Variants in JAKMIP3 observed in about 807,000 individuals in gnomAD.
The protein encoded by JAKMIP3 is janus kinase and microtubule-interacting protein 3.
JAKMIP3 carries 58 observed loss-of-function variants against 118.5 expected under a neutral mutation model. The observed-to-expected ratio is 0.49, with a 90% CI of 0.40 to 0.61. The LOEUF (loss-of-function observed/expected upper bound fraction) is 0.61. Ranked by LOEUF, JAKMIP3 falls within the 20% of genes least tolerant of loss-of-function variation. JAKMIP3 has a pLI of 0.00. For missense variants in JAKMIP3, 950 were observed against 1,109.0 expected (o/e 0.86, Z 2.04); for synonymous variants, 486 against 451.2 (o/e 1.08, Z -0.98).
At chr10:132,142,940 C>A (rs549876554) in intron 11 of JAKMIP3, among the ~76,000 whole-genome samples, 7 of 152,150 alleles carry the variant, frequency 4.6e-5, no homozygotes, top group South Asian at 4.2e-4. Context: ...CCTCTTGGGG[C>A]GAGGGGAGAG....
At chr10:132,167,885 G>A (rs867731371) in intron 22 of JAKMIP3, 68 bp from the exon 23 acceptor site, 1 of 693,600 alleles carries the variant, frequency 1.4e-6, no homozygotes, top group Non-Finnish European at 1.9e-6. Flanking sequence ...TCGCCCCTCG[G>A]CCCTCGCCCC....
intron 23 of JAKMIP3, among the ~76,000 whole-genome samples, chr10:132,174,483 C>A (rs1370824939): frequency 6.6e-6 from 1 of 152,038 alleles, no homozygotes; most frequent in African/African-American, 2.4e-5. Flanking sequence ...CGAGCGGAAT[C>A]CCCTCGGGTG....
intron 23 of JAKMIP3, among the ~76,000 whole-genome samples, chr10:132,173,403 G>C (rs1196502608): frequency 6.6e-6 from 1 of 151,186 alleles, no homozygotes; most frequent in Non-Finnish European, 1.5e-5. Context: ...TGCGGCCCTG[G>C]CATACACCCA....
At position 132,184,494 on chromosome 10, in the gene JAKMIP3, C is replaced by G. The variant is rs754411812; in HGVS notation, c.*3241C>G. On this transcript the variant is annotated 3_prime_UTR_variant, in exon 24 of 24. Coordinates refer to ENST00000684848, the MANE Select transcript of JAKMIP3 (RefSeq NM_001323087.2). Reference sequence around the variant, plus strand: ...CATATTGTGAATATAGGTATCAAATCATATATTTGTTTACTGTATATTTTT... The same window carrying G: ...CATATTGTGAATATAGGTATCAAATGATATATTTGTTTACTGTATATTTTT... The G allele has an allele frequency of 6.6e-6, 1 of 152,182 alleles. No homozygotes were observed. The highest frequency in any genetic ancestry group is 1.9e-4 in the East Asian group (1 of 5,204). The allele number at this position is 152,182 out of a possible 1,614,324, so 9.4% of individuals were successfully genotyped here. A position where few individuals can be genotyped will look rare whatever the true frequency, so the allele number is the denominator to read the frequency against.
intron 3 of JAKMIP3, among the ~76,000 whole-genome samples, chr10:132,119,435 A>T (rs574137043): frequency 6.6e-6 from 1 of 152,136 alleles, no homozygotes; most frequent in Non-Finnish European, 1.5e-5. Flanking sequence ...TAAAAATGTT[A>T]TAGTTTCGTC....
chr10:132,176,565 T>A (rs2060154931), intron 23 of JAKMIP3, among the ~76,000 whole-genome samples: 2 of 152,142 alleles, frequency 1.3e-5, no homozygotes, highest in Non-Finnish European at 2.9e-5. Flanking sequence ...CAGTGCTTTG[T>A]AGCAGACACG....
At position 132,117,624 on chromosome 10, in the gene JAKMIP3, TGGGCGAGGG is replaced by T. The variant is rs2047903630; in HGVS notation, c.633+51_633+59del. The stretch of plus-strand genomic sequence containing the variant: ...GTGGGCGAGGGTGCAGGGGCGGGCG[TGGGCGAGGG>T]TGCAGGGGCGGGCGTGGGCGAGGGT... On this transcript the variant is annotated intron_variant, in intron 3 of 23. Coordinates refer to ENST00000684848, the MANE Select transcript of JAKMIP3 (RefSeq NM_001323087.2). The surrounding 1 kb of genome is among the most constrained non-coding windows in gnomAD (Gnocchi z 8.6). 2.9e-6 allele frequency: 3 copies of T among 1,039,698 alleles called. No individual in the cohort carries two copies. The highest frequency in any genetic ancestry group is 4.0e-6 in the Non-Finnish European group (3 of 747,014). The allele number at this position is 1,039,698 out of a possible 1,614,324, so 64.4% of individuals were successfully genotyped here.
chr10:132,139,223 TG>T (rs1485460874), intron 9 of JAKMIP3, among the ~76,000 whole-genome samples: 4 of 126,498 alleles, frequency 3.2e-5, no homozygotes, highest in African/African-American at 6.5e-5. Flanking sequence ...TGTGTGTACA[TG>T]TGAGTGTATA....
At chr10:132,103,195 G>A (rs936624452) in intron 1 of JAKMIP3, among the ~76,000 whole-genome samples, 4 of 151,806 alleles carry the variant, frequency 2.6e-5, no homozygotes, top group Admixed American at 1.3e-4. Flanking sequence ...TCCCTCTGTC[G>A]GGGAAAGCTG....
intron 3 of JAKMIP3, among the ~76,000 whole-genome samples, chr10:132,123,152 G>T (rs1411146933): frequency 6.6e-6 from 1 of 152,132 alleles, no homozygotes; most frequent in Non-Finnish European, 1.5e-5. Flanking sequence ...CCACCCACAG[G>T]TGCGATGACC....
At position 132,168,041 on chromosome 10, in the gene JAKMIP3, G is replaced by A. The variant is rs1206283550; in HGVS notation, c.*111G>A. ...CGCGTCTCCATCCTGAAGACCCAGG[G>A]AGATTTGGTCTCTGCACGCCCGTCC... On this transcript the variant is annotated 3_prime_UTR_variant, in exon 23 of 24. Transcript: ENST00000684848. The A allele has an allele frequency of 3.9e-6, 5 of 1,289,524 alleles. No homozygotes were observed. The African/African-American group carries it at 7.6e-5, about 20-fold the overall frequency. The allele number at this position is 1,289,524 out of a possible 1,614,324, so 79.9% of individuals were successfully genotyped here.
Position 132,179,719 on chromosome 10 carries a change from GC to G in JAKMIP3, c.*1104-2637del, listed in dbSNP as rs2060525705. 6.7e-6 allele frequency among the ~76,000 whole-genome samples: 1 copy of G among 150,372 alleles called. No individual in the cohort carries two copies. Among genetic ancestry groups the G allele is most frequent in the Non-Finnish European group, 1.5e-5 (1 of 67,912 alleles). On this transcript the variant is annotated intron_variant, in intron 23 of 23. Transcript: ENST00000684848. This position sits in a 1 kb window ranked among gnomAD's most constrained non-coding sequence, Gnocchi z 4.3. ...CACACCACAGCAGGGCCACACCACG[GC>G]AGGGTCGCACCACAGCAGGGTCACG...
intron 1 of JAKMIP3, among the ~76,000 whole-genome samples, chr10:132,058,392 G>A (rs968428660): frequency 1.3e-5 from 2 of 152,214 alleles, no homozygotes; most frequent in Non-Finnish European, 2.9e-5. Context: ...CAGGGGCGCA[G>A]GGTGACGGCC....
intron 3 of JAKMIP3, among the ~76,000 whole-genome samples, chr10:132,129,259 G>T (rs1431660807): frequency 6.6e-6 from 1 of 152,160 alleles, no homozygotes; most frequent in Non-Finnish European, 1.5e-5. Flanking sequence ...TGTAGCCAGG[G>T]TCTAGAGAAT....
chr10:132,065,380 T>C (rs923733724), upstream of JAKMIP3, among the ~76,000 whole-genome samples: 1 of 152,058 alleles, frequency 6.6e-6, no homozygotes, highest in Admixed American at 6.5e-5. This position sits in a 1 kb window ranked among gnomAD's most constrained non-coding sequence, Gnocchi z 5.6. Flanking sequence ...GTGTTGAGTG[T>C]GTGCAAATCC....
chr10:132,036,919 C>T (rs1050003606), intron 1 of JAKMIP3, among the ~76,000 whole-genome samples: 1 of 152,034 alleles, frequency 6.6e-6, no homozygotes, highest in African/African-American at 2.4e-5. Context: ...TTGCCTCTCC[C>T]GGCGGTCCCC....
At chr10:132,108,220 G>C (rs927789639) in intron 2 of JAKMIP3, among the ~76,000 whole-genome samples, 3 of 152,130 alleles carry the variant, frequency 2.0e-5, no homozygotes, top group African/African-American at 7.2e-5. Flanking sequence ...CTGGACCTTG[G>C]TCCTGCTGGA....
At chr10:132,071,689 A>G (rs1564865768) in intron 1 of JAKMIP3, among the ~76,000 whole-genome samples, 2 of 152,190 alleles carry the variant, frequency 1.3e-5, no homozygotes, top group African/African-American at 2.4e-5. Context: ...ATCATTATGT[A>G]TAGCTCTTGT....
chr10:132,180,738 C>CGCGCGTGT lies in JAKMIP3; in HGVS notation c.*1104-1618_*1104-1617insCGCGTGTG, dbSNP rs1565021635. 6.7e-4 allele frequency among the ~76,000 whole-genome samples: 5 copies of CGCGCGTGT among 7,470 alleles called. 1 individual carries two copies. Among genetic ancestry groups the CGCGCGTGT allele is most frequent in the African/African-American group, 3.2e-3 (5 of 1,548 alleles). 4.9% of individuals were successfully genotyped at this position (7,470 alleles called of 152,430 possible). On this transcript the variant is annotated intron_variant, in intron 23 of 23. Transcript: ENST00000684848. ...GTGTGTGCGTGTGTGTGCGTGTGTGCGTGCGTGCGCGCGCGTGTGTGCGTG... is the reference window on the plus strand; with the variant it reads ...GTGTGTGCGTGTGTGTGCGTGTGTGCGCGCGTGTGTGCGTGCGCGCGCGTGTGTGCGTG...
Sources: gnomAD v4.1 joint callset for allele counts (sites outside exome capture counted in the v4.1 genomes callset) on GRCh38, gnomAD v4.1.1 for gene constraint, Gnocchi (gnomAD v3.1) non-coding constraint, MANE v1.5 for transcripts, NCBI Gene and HGNC (gene_info 2026-07-23, HGNC 2026-07-21) for gene names.